Variants in HSF5 observed in about 807,000 individuals in gnomAD.
HSF5 encodes the protein heat shock transcription factor 5.
HSF5 carries 5 observed loss-of-function variants against 50.8 expected under a neutral mutation model. That is an observed-to-expected ratio of 0.10 (90% CI 0.05 to 0.21). The LOEUF is 0.21. Among genes scored for constraint, HSF5 ranks in the 10% least tolerant of loss-of-function variants. The pLI is 1.00. For synonymous variants in HSF5, 307 were observed against 307.4 expected (o/e 1.00, Z 0.02); for missense variants, 564 against 762.6 (o/e 0.74, Z 3.07).
At chr17:58,472,375 C>T (rs1367461023) in intron 2 of HSF5, among the ~76,000 whole-genome samples, 1 of 152,070 alleles carries the variant, frequency 6.6e-6, no homozygotes, top group African/African-American at 2.4e-5. Context: ...ACCTGGGAAG[C>T]TGAAGTGGGA....
chr17:58,432,499 A>T (rs1221537500), intron 5 of HSF5, among the ~76,000 whole-genome samples: 5 of 152,208 alleles, frequency 3.3e-5, no homozygotes, highest in Non-Finnish European at 7.3e-5. Flanking sequence ...CATTTCAGGC[A>T]GAGACAATAG....
chr17:58,431,571 G>C (rs531221284), intron 5 of HSF5, among the ~76,000 whole-genome samples: 1 of 152,054 alleles, frequency 6.6e-6, no homozygotes, highest in African/African-American at 2.4e-5. Flanking sequence ...ATATCCTATT[G>C]GTTCTATCAC....
At chr17:58,451,846 GAAAT>G (rs1376421558) in intron 5 of HSF5, among the ~76,000 whole-genome samples, 1 of 141,216 alleles carries the variant, frequency 7.1e-6, no homozygotes, top group Non-Finnish European at 1.5e-5. Flanking sequence ...GATCACAGCA[GAAAT>G]AAATAAAATA....
At chr17:58,474,686 T>C (rs1156860716) in intron 2 of HSF5, among the ~76,000 whole-genome samples, 2 of 152,232 alleles carry the variant, frequency 1.3e-5, no homozygotes, top group African/African-American at 4.8e-5. Context: ...TAGTGAATAA[T>C]ATATGAGTAC....
chr17:58,449,466 G>A (rs117858548), intron 5 of HSF5, among the ~76,000 whole-genome samples: 1,676 of 152,262 alleles, frequency 0.011, 14 homozygotes, highest in Middle Eastern at 0.041. Flanking sequence ...TCTGGAGACC[G>A]AGGCAGGCGG....
intron 2 of HSF5, among the ~76,000 whole-genome samples, chr17:58,471,197 G>A (rs1418919237): frequency 6.6e-6 from 1 of 152,160 alleles, no homozygotes; most frequent in Non-Finnish European, 1.5e-5. Context: ...AATAGTTAAA[G>A]TGGTTAAGTT....
chr17:58,438,265 C>T (rs1219696676), intron 5 of HSF5, among the ~76,000 whole-genome samples: 1 of 152,144 alleles, frequency 6.6e-6, no homozygotes, highest in African/African-American at 2.4e-5. Context: ...ATATTCAATA[C>T]AGTAACATGC....
At chr17:58,484,909 C>T (rs1020930778) in intron 1 of HSF5, among the ~76,000 whole-genome samples, 13 of 148,632 alleles carry the variant, frequency 8.7e-5, no homozygotes, top group African/African-American at 3.2e-4. Flanking sequence ...TTTATTTGTA[C>T]ATTTAAACTT....
chr17:58,422,261 C>T lies in HSF5; in HGVS notation c.*99G>A. The T allele has an allele frequency of 6.9e-6, 6 of 864,868 alleles. No individual in the cohort carries two copies. The highest frequency in any genetic ancestry group is 3.4e-5 in the African/African-American group (2 of 58,760). The allele number at this position is 864,868 out of a possible 1,614,324, so 53.6% of individuals were successfully genotyped here. The stretch of plus-strand genomic sequence containing the variant: ...AACGAAACAAAAAATACTTTTTTTT[C>T]CTTAACAGAACTGAAAAAATCCCAA... On this transcript the variant is annotated 3_prime_UTR_variant, in exon 6 of 6. Coordinates refer to ENST00000323777, the MANE Select transcript of HSF5 (RefSeq NM_001080439.3).
chr17:58,434,286 TA>T (rs1974398695), intron 5 of HSF5, among the ~76,000 whole-genome samples: 1 of 151,908 alleles, frequency 6.6e-6, no homozygotes. Context: ...ACATAAAAGA[TA>T]AAATGTTAGG....
intron 5 of HSF5, among the ~76,000 whole-genome samples, chr17:58,454,074 C>T (rs1390153887): frequency 6.6e-6 from 1 of 152,028 alleles, no homozygotes; most frequent in Non-Finnish European, 1.5e-5. Context: ...AGCCTGGTGA[C>T]AGAGTGAGAC....
intron 3 of HSF5, among the ~76,000 whole-genome samples, chr17:58,464,938 T>G (rs996457884): frequency 7.6e-4 from 105 of 137,644 alleles, no homozygotes; most frequent in Non-Finnish European, 4.2e-4. Context: ...GCCTGGCAGA[T>G]TTTTTTTTTT....
intron 5 of HSF5, among the ~76,000 whole-genome samples, chr17:58,428,122 A>G (rs1974318068): frequency 6.6e-6 from 1 of 152,238 alleles, no homozygotes; most frequent in Non-Finnish European, 1.5e-5. Flanking sequence ...CATGCTTAGC[A>G]TGTAGGCCAT....
intron 5 of HSF5, among the ~76,000 whole-genome samples, chr17:58,450,876 G>T (rs1238792486): frequency 1.3e-5 from 2 of 152,014 alleles, no homozygotes; most frequent in African/African-American, 2.4e-5. Context: ...ATCACTTGAG[G>T]TTAGGAGTTT....
chr17:58,450,120 G>C (rs1482592220), intron 5 of HSF5, among the ~76,000 whole-genome samples: 1 of 151,436 alleles, frequency 6.6e-6, no homozygotes, highest in Admixed American at 6.6e-5. Flanking sequence ...CAGATCACTT[G>C]AGGTCAGGAG....
intron 5 of HSF5, among the ~76,000 whole-genome samples, chr17:58,449,125 A>G (rs1974600799): frequency 6.6e-6 from 1 of 152,206 alleles, no homozygotes; most frequent in African/African-American, 2.4e-5. Context: ...ATCATAGACA[A>G]AACCCATAAC....
intron 5 of HSF5, 110 bp downstream of exon 5, chr17:58,458,658 G>A (rs1974746302): frequency 3.7e-6 from 3 of 805,430 alleles, no homozygotes; most frequent in African/African-American, 1.7e-5. Flanking sequence ...CAATGTGACA[G>A]GTCTAATACA....
At chr17:58,465,182 CTT>C (rs529950180) in intron 3 of HSF5, among the ~76,000 whole-genome samples, 3 of 69,320 alleles carry the variant, frequency 4.3e-5, no homozygotes, top group African/African-American at 6.7e-5. Flanking sequence ...TATTTCTTTT[CTT>C]TTTTTTTTTT....
At chr17:58,485,510 G>T (rs1411707807) in intron 1 of HSF5, among the ~76,000 whole-genome samples, 1 of 152,110 alleles carries the variant, frequency 6.6e-6, no homozygotes, top group East Asian at 2.0e-4. Flanking sequence ...ACTTCCAGAG[G>T]CCAAGGTGGG....
Sources: gnomAD v4.1 joint callset for allele counts (sites outside exome capture counted in the v4.1 genomes callset) on GRCh38, gnomAD v4.1.1 for gene constraint, MANE v1.5 for transcripts, NCBI Gene and HGNC (gene_info 2026-07-23, HGNC 2026-07-21) for gene names.